The following GPA33 variants were observed in gnomAD, a reference collection of about 807,000 sequenced individuals.
The protein encoded by GPA33 is glycoprotein A33.
A neutral mutation model predicts 35.6 loss-of-function variants in GPA33; 27 were observed. That is an observed-to-expected ratio of 0.76 (90% CI 0.56 to 1.04). The LOEUF (loss-of-function observed/expected upper bound fraction) is 1.04, where lower values mean the gene tolerates loss of function less well. Among genes scored for constraint, GPA33 ranks in the 50% least tolerant of loss-of-function variants. The pLI, the probability that GPA33 is intolerant of heterozygous loss-of-function variation, is 0.00. For synonymous variants in GPA33, 176 were observed against 164.0 expected (o/e 1.07, Z -0.56); for missense variants, 428 against 411.9 (o/e 1.04, Z -0.34).
At chr1:167,067,034 TTA>T (rs550470130) in intron 3 of GPA33, among the ~76,000 whole-genome samples, 3 of 152,360 alleles carry the variant, frequency 2.0e-5, no homozygotes, top group Non-Finnish European at 4.4e-5. Flanking sequence ...GTGTGAATGT[TTA>T]TATATGTTTT....
In GPA33 at chr1:167,087,303, C is replaced by T. The variant is rs150316406; in HGVS notation, c.43+2942G>A. Among the ~76,000 whole-genome samples the T allele has an allele frequency of 4.6e-3, 697 of 152,312 alleles. 5 individuals carry two copies. Among genetic ancestry groups the T allele is most frequent in the African/African-American group, 0.016 (656 of 41,570 alleles). ...GTAATAATAATAACTGCACTCATAA[C>T]TGGCATTTATTGAGTTGTTATTATG... On this transcript the variant is annotated intron_variant, in intron 1 of 6. Transcript: ENST00000367868.
intron 1 of GPA33, among the ~76,000 whole-genome samples, chr1:167,088,275 C>CA (rs1411907098): frequency 6.6e-6 from 1 of 152,196 alleles, no homozygotes; most frequent in East Asian, 1.9e-4. Flanking sequence ...GGTATCCTCT[C>CA]ATGAGGCATG....
chr1:167,085,860 C>T (rs1261918582), intron 1 of GPA33, among the ~76,000 whole-genome samples: 1 of 152,232 alleles, frequency 6.6e-6, no homozygotes, highest in African/African-American at 2.4e-5. Flanking sequence ...ACCTAGACTG[C>T]ACATCAGAAT....
rs1399437476 is a variant in GPA33, at chr1:167,064,126, T to TA, written c.416-390dup. Among the ~76,000 whole-genome samples the TA allele has an allele frequency of 2.6e-5, 4 of 151,912 alleles. No homozygotes were observed. In the South Asian group the frequency reaches 6.2e-4, roughly 24 times the overall value. ...GGTGAAACCCCATCTCTACTAAAAA[T>TA]ACAAAAAATTAGCCGGCCGTGGTGG... is the stretch of plus-strand genomic sequence containing the variant. On this transcript the variant is annotated intron_variant, in intron 3 of 6. Transcript: ENST00000367868.
At chr1:167,084,843 T>G (rs1667019278) in intron 1 of GPA33, among the ~76,000 whole-genome samples, 2 of 152,222 alleles carry the variant, frequency 1.3e-5, no homozygotes, top group Non-Finnish European at 2.9e-5. Context: ...ATTATTGTTT[T>G]AAGTCACTAA....
chr1:167,059,567 G>T (rs12123175), intron 4 of GPA33, among the ~76,000 whole-genome samples: 7,424 of 151,788 alleles, frequency 0.049, 250 homozygotes, highest in Non-Finnish European at 0.072. Flanking sequence ...TCCTTGGACT[G>T]GTCCCCACCC....
At chr1:167,061,636 C>T (rs889240128) in intron 4 of GPA33, among the ~76,000 whole-genome samples, 12 of 133,472 alleles carry the variant, frequency 9.0e-5, no homozygotes, top group African/African-American at 3.7e-4. Context: ...CGCTCTGTTG[C>T]CCAGGCTGCA....
At chr1:167,072,938 C>T (rs1257960512) in intron 2 of GPA33, among the ~76,000 whole-genome samples, 1 of 151,754 alleles carries the variant, frequency 6.6e-6, no homozygotes, top group African/African-American at 2.4e-5. Flanking sequence ...TGGGAATGAG[C>T]CTTCTCAATG....
At chr1:167,066,170 G>A (rs1558006284) in intron 3 of GPA33, among the ~76,000 whole-genome samples, 2 of 152,136 alleles carry the variant, frequency 1.3e-5, no homozygotes, top group Non-Finnish European at 1.5e-5. Context: ...GGAGTCCCAG[G>A]TGTCCCCAAA....
At chr1:167,063,324 G>A (rs369882875) in intron 4 of GPA33, among the ~76,000 whole-genome samples, 47 of 152,274 alleles carry the variant, frequency 3.1e-4, no homozygotes, top group African/African-American at 1.1e-3. Context: ...CAGAAGAATC[G>A]CTTGAACCTG....
chr1:167,060,756 G>A (rs1321567299), intron 4 of GPA33, among the ~76,000 whole-genome samples: 1 of 152,152 alleles, frequency 6.6e-6, no homozygotes, highest in African/African-American at 2.4e-5. Flanking sequence ...GGTACCCGTG[G>A]CTTACAGGGC....
At chr1:167,066,021 C>T (rs905823176) in intron 3 of GPA33, among the ~76,000 whole-genome samples, 1 of 152,198 alleles carries the variant, frequency 6.6e-6, no homozygotes, top group Admixed American at 6.5e-5. Context: ...CAAGCTTTAT[C>T]TCTTGAGCTT....
Position 167,054,163 on chromosome 1 carries a change from C to A in GPA33, c.*171G>T. The A allele has an allele frequency of 1.2e-6, 1 of 805,462 alleles. No homozygotes were observed. The highest frequency in any genetic ancestry group is 1.9e-6 in the Non-Finnish European group (1 of 513,580). 49.9% of individuals were successfully genotyped at this position (805,462 alleles called of 1,614,324 possible). ...GAGGTCAGCAGGATCAGCACAGGGA[C>A]CCCCTTACCAGGCCAGCCATGTTCC... On this transcript the variant is annotated 3_prime_UTR_variant, in exon 7 of 7. Coordinates refer to ENST00000367868, the MANE Select transcript of GPA33 (RefSeq NM_005814.3).
At chr1:167,086,314 G>A (rs1414349541) in intron 1 of GPA33, among the ~76,000 whole-genome samples, 3 of 152,340 alleles carry the variant, frequency 2.0e-5, no homozygotes, top group South Asian at 2.1e-4. Context: ...TGGGCGGGCC[G>A]CTTATCTTGC....
chr1:167,082,446 C>A, intron 1 of GPA33: 1 of 388,058 alleles, frequency 2.6e-6, no homozygotes, highest in Non-Finnish European at 5.0e-6. Context: ...CAGAGGGGCA[C>A]AGAGGATCCT....
intron 4 of GPA33, among the ~76,000 whole-genome samples, chr1:167,062,913 C>T (rs977940804): frequency 5.3e-5 from 8 of 151,982 alleles, no homozygotes; most frequent in African/African-American, 1.5e-4. Context: ...GTGGAGCCCC[C>T]GAGTTAGACT....
At chr1:167,054,617 AGAGTAAAG>A in intron 6 of GPA33, 151 bp from the exon 7 acceptor site, 1 of 966,270 alleles carries the variant, frequency 1.0e-6, no homozygotes. Flanking sequence ...GGCTGGGCTG[AGAGTAAAG>A]GTGCCACAGA....
chr1:167,061,769 A>AT (rs1666454520), intron 4 of GPA33, among the ~76,000 whole-genome samples: 1 of 151,714 alleles, frequency 6.6e-6, no homozygotes, highest in Non-Finnish European at 1.5e-5. Flanking sequence ...CGTCCGGCTA[A>AT]TTTTTTGTAT....
intron 1 of GPA33, among the ~76,000 whole-genome samples, chr1:167,075,208 C>T (rs941865112): frequency 6.6e-6 from 1 of 152,030 alleles, no homozygotes; most frequent in East Asian, 1.9e-4. Context: ...GCCTGACATA[C>T]ATTGTTAAAA....
Sources: allele counts gnomAD v4.1 joint callset (sites outside exome capture counted in the v4.1 genomes callset), GRCh38; gene constraint gnomAD v4.1.1; transcripts MANE v1.5; gene names NCBI Gene and HGNC (gene_info 2026-07-23, HGNC 2026-07-21).